The following TMC5 variants were observed in gnomAD, a reference collection of about 807,000 sequenced individuals.
The protein encoded by TMC5 is transmembrane channel-like protein 5.
Under a neutral mutation model 110.5 loss-of-function variants are expected in TMC5, and 86 were observed. The observed-to-expected ratio is 0.78, with a 90% CI of 0.65 to 0.93. TMC5 has a LOEUF of 0.93. TMC5 is among the 40% of genes least tolerant of loss of function. The pLI, the probability that TMC5 is intolerant of heterozygous loss-of-function variation, is 0.00. For missense variants in TMC5, 1,144 were observed against 1,222.8 expected, an observed-to-expected ratio of 0.94 and a Z score of 0.96; for synonymous variants, 455 against 439.5, an observed-to-expected ratio of 1.04 and a Z score of -0.44.
upstream of TMC5, among the ~76,000 whole-genome samples, chr16:19,413,759 C>A (rs1966864076): frequency 6.6e-6 from 1 of 152,096 alleles, no homozygotes; most frequent in Non-Finnish European, 1.5e-5. Context: ...CCCTAGTCAT[C>A]TACAGAACTC....
intron 4 of TMC5, among the ~76,000 whole-genome samples, chr16:19,449,033 G>T (rs548403515): frequency 1.1e-4 from 16 of 140,708 alleles, no homozygotes; most frequent in Admixed American, 1.4e-4. Context: ...TAATTTTTTT[G>T]TATTTTTTTA....
chr16:19,440,122 G>T lies in TMC5; in HGVS notation c.84G>T (p.Gly28=). The T allele has an allele frequency of 6.2e-7, 1 of 1,614,092 alleles. No individual in the cohort carries two copies. Among genetic ancestry groups the T allele is most frequent in the Non-Finnish European group, 8.5e-7 (1 of 1,180,014 alleles). ...CAGGGTCTCAGAACCGTACGCAGGG[G>T]TATTTGAAAACTCAAGGTTATCCAG... The part of the protein sequence containing the change: ...DYSGSQNRTQ[G]YLKTQGYPDV... Residue 28 remains glycine, a synonymous_variant, in exon 3 of 22, where the codon GGG becomes GGT. Coordinates refer to ENST00000542583, the MANE Select transcript of TMC5 (RefSeq NM_001261841.2).
intron 2 of TMC5, among the ~76,000 whole-genome samples, chr16:19,439,757 G>T (rs904076815): frequency 6.6e-6 from 1 of 152,166 alleles, no homozygotes; most frequent in Non-Finnish European, 1.5e-5. Context: ...GGGAAGTTGT[G>T]GGTATCACTG....
chr16:19,465,253 G>T (rs913788409), intron 8 of TMC5, among the ~76,000 whole-genome samples: 3 of 151,954 alleles, frequency 2.0e-5, no homozygotes, highest in Non-Finnish European at 4.4e-5. Context: ...AAAATAATCA[G>T]CCGGGTACGG....
intron 20 of TMC5, among the ~76,000 whole-genome samples, chr16:19,496,549 C>A (rs188323130): frequency 5.0e-4 from 76 of 152,164 alleles, no homozygotes; most frequent in Non-Finnish European, 1.9e-4. Context: ...TGTCACCCCA[C>A]GTCCTAATTT....
At position 19,479,427 on chromosome 16, in the gene TMC5, C is replaced by G. The variant is rs1405575909; in HGVS notation, c.2170-4C>G. 1 of 1,612,332 alleles carries G rather than the reference C, an allele frequency of 6.2e-7. No homozygotes were observed. The highest frequency in any genetic ancestry group is 1.1e-5 in the South Asian group (1 of 91,056). Reference sequence around the variant, plus strand: ...CCACATCCTGACTCTTGTTTGCCTTCCAGTGTTGGGAAACCCTCATTGGCC... The same window carrying G: ...CCACATCCTGACTCTTGTTTGCCTTGCAGTGTTGGGAAACCCTCATTGGCC... On this transcript the variant is annotated splice_region_variant and splice_polypyrimidine_tract_variant and intron_variant, in intron 13 of 21. Transcript: ENST00000542583.
chr16:19,470,609 G>A (rs1414807204), intron 10 of TMC5, among the ~76,000 whole-genome samples: 1 of 150,820 alleles, frequency 6.6e-6, no homozygotes, highest in Non-Finnish European at 1.5e-5. Context: ...GGCCAGTGAT[G>A]CTGCTAAAAA....
intron 14 of TMC5, among the ~76,000 whole-genome samples, chr16:19,480,432 A>T (rs768634637): frequency 1.4e-4 from 21 of 152,102 alleles, no homozygotes; most frequent in Non-Finnish European, 2.9e-4. Context: ...CAGTGGATAG[A>T]TTCAATGCCA....
At chr16:19,435,661 C>T (rs1173846150) in intron 2 of TMC5, among the ~76,000 whole-genome samples, 1 of 152,154 alleles carries the variant, frequency 6.6e-6, no homozygotes, top group Admixed American at 6.5e-5. Flanking sequence ...AGATTCCCTC[C>T]TGCAATTCCT....
At chr16:19,496,859 C>T (rs1436614132) in intron 20 of TMC5, among the ~76,000 whole-genome samples, 1 of 142,676 alleles carries the variant, frequency 7.0e-6, no homozygotes, top group Non-Finnish European at 1.5e-5. Context: ...CATTCCACTC[C>T]AGTCTAGGAG....
At chr16:19,493,914 T>C (rs1251558773) in intron 19 of TMC5, among the ~76,000 whole-genome samples, 6 of 151,926 alleles carry the variant, frequency 3.9e-5, no homozygotes, top group Admixed American at 1.3e-4. Context: ...GGAGTCTTGC[T>C]CTGGGGCACG....
chr16:19,484,659 G>T (rs1484532040), intron 15 of TMC5, among the ~76,000 whole-genome samples: 1 of 151,878 alleles, frequency 6.6e-6, no homozygotes, highest in Non-Finnish European at 1.5e-5. Flanking sequence ...TACTTGGGAA[G>T]CTGAGGCAGG....
intron 8 of TMC5, among the ~76,000 whole-genome samples, chr16:19,464,623 T>G (rs1269740972): frequency 1.3e-5 from 2 of 152,224 alleles, no homozygotes; most frequent in Non-Finnish European, 2.9e-5. Flanking sequence ...ATTCATTGTA[T>G]ATTATCTACA....
At chr16:19,448,304 G>A (rs200807171) in intron 4 of TMC5, among the ~76,000 whole-genome samples, 3 of 142,186 alleles carry the variant, frequency 2.1e-5, no homozygotes, top group South Asian at 2.2e-4. Flanking sequence ...ACACACACAC[G>A]CACACACACA....
intron 6 of TMC5, among the ~76,000 whole-genome samples, chr16:19,461,769 A>C (rs552170575): frequency 1.3e-5 from 2 of 152,200 alleles, no homozygotes; most frequent in Admixed American, 1.3e-4. Context: ...ATGCAACAAC[A>C]ATTACTAGTA....
At chr16:19,484,082 CAAAAAAAAA>C (rs758360425) in intron 15 of TMC5, among the ~76,000 whole-genome samples, 2 of 70,806 alleles carry the variant, frequency 2.8e-5, no homozygotes, top group Non-Finnish European at 6.5e-5. Flanking sequence ...AACTCTGTCT[CAAAAAAAAA>C]AAAAAAAAGA....
intron 1 of TMC5, among the ~76,000 whole-genome samples, chr16:19,420,707 C>G (rs1239959325): frequency 6.6e-6 from 1 of 152,210 alleles, no homozygotes; most frequent in Non-Finnish European, 1.5e-5. Context: ...AAGCAATCCT[C>G]CTGCCTCAGC....
At chr16:19,443,920 AATGGATGGATAC>A (rs1967549238) in intron 3 of TMC5, among the ~76,000 whole-genome samples, 149 bp from the exon 4 acceptor site, 1 of 151,498 alleles carries the variant, frequency 6.6e-6, no homozygotes, top group African/African-American at 2.4e-5. Context: ...TACATGATTG[AATGGATGGATAC>A]ATGGATGGAT....
At position 19,440,279 on chromosome 16, in the gene TMC5, C is replaced by T. The variant is rs866022120; in HGVS notation, c.241C>T (p.Pro81Ser). Residue 81 changes from proline (P) to serine (S), a missense_variant, in exon 3 of 22, where the codon CCA becomes TCA. Pro to Ser is a moderately conservative substitution (Grantham distance 74). Coordinates refer to ENST00000542583, the MANE Select transcript of TMC5 (RefSeq NM_001261841.2). ...AAATTATCCTAGATCTCTGAGTAAT[C>T]CAGACTATTCTGGCACCAGAAGCAA... The part of the protein sequence containing the change: ...EPNYPRSLSN[P>S]DYSGTRSNAY... 1.2e-6 allele frequency: 2 copies of T among 1,614,098 alleles called. No individual in the cohort carries two copies. The highest frequency in any genetic ancestry group is 1.7e-6 in the Non-Finnish European group (2 of 1,179,998).
Sources: gnomAD v4.1 joint callset for allele counts (sites outside exome capture counted in the v4.1 genomes callset) on GRCh38, gnomAD v4.1.1 for gene constraint, MANE v1.5 for transcripts, NCBI Gene and HGNC (gene_info 2026-07-23, HGNC 2026-07-21) for gene names.